Variants in LAMA1 observed in about 807,000 individuals in gnomAD.
LAMA1 encodes laminin subunit alpha 1.
LAMA1 carries 219 observed loss-of-function variants against 348.7 expected under a neutral mutation model. That is an observed-to-expected ratio of 0.63 (90% CI 0.56 to 0.70). LAMA1 has a LOEUF of 0.70. LAMA1 is among the 30% of genes least tolerant of loss of function. The probability of loss-of-function intolerance (pLI) is 0.00; values close to 1 mark genes in which losing one functional copy is unlikely to be tolerated. For synonymous variants in LAMA1, 1,487 were observed against 1,491.0 expected, an observed-to-expected ratio of 1.00 and a Z score of 0.06; for missense variants, 3,744 against 3,888.0, an observed-to-expected ratio of 0.96 and a Z score of 0.99.
At chr18:6,986,678 G>A (rs1018256630) in intron 36 of LAMA1, among the ~76,000 whole-genome samples, 25 of 152,096 alleles carry the variant, frequency 1.6e-4, no homozygotes, top group Admixed American at 4.6e-4. Flanking sequence ...TTACAGGCAC[G>A]GTGATCTTTC....
At chr18:7,004,194 A>C (rs2057821499) in intron 29 of LAMA1, among the ~76,000 whole-genome samples, 1 of 152,156 alleles carries the variant, frequency 6.6e-6, no homozygotes, top group Admixed American at 6.5e-5. Context: ...TGCTATGGGA[A>C]ATTCACAGAG....
At position 7,103,241 on chromosome 18, in the gene LAMA1, T is replaced by C. The variant is rs868493968; in HGVS notation, c.61+14419A>G. ...GACCATCACGGCTAACATGGTGAAC[T>C]AAAAATACAAAAAATTAGCCGGGCA... is the stretch of plus-strand genomic sequence containing the variant. On this transcript the variant is annotated intron_variant, in intron 1 of 62. Transcript: ENST00000389658. Among the ~76,000 whole-genome samples the C allele has an allele frequency of 4.0e-5, 6 of 151,440 alleles. 1 individual carries two copies. In the Middle Eastern group the frequency reaches 0.014, roughly 355 times the overall value.
At chr18:7,025,078 A>G (rs1296349506) in intron 17 of LAMA1, among the ~76,000 whole-genome samples, 1 of 152,028 alleles carries the variant, frequency 6.6e-6, no homozygotes, top group African/African-American at 2.4e-5. Context: ...ATATACTGGG[A>G]ATTCTTTGAG....
At chr18:6,957,183 C>T (rs574641522) in intron 55 of LAMA1, 14 of 300,678 alleles carry the variant, frequency 4.7e-5, no homozygotes, top group African/African-American at 2.0e-4. Context: ...TTGTGGGCTA[C>T]GCTTGTCACA....
At chr18:7,085,585 A>G (rs908958042) in intron 1 of LAMA1, among the ~76,000 whole-genome samples, 3 of 151,550 alleles carry the variant, frequency 2.0e-5, no homozygotes, top group Non-Finnish European at 2.9e-5. Context: ...AGCCCGGCTA[A>G]TTTTTTGTAT....
chr18:6,983,299 A>C, intron 39 of LAMA1, 65 bp from the exon 40 acceptor site: 1 of 1,556,726 alleles, frequency 6.4e-7, no homozygotes. Context: ...TTCACTCACA[A>C]AAATCATAAA....
intron 56 of LAMA1, 131 bp downstream of exon 56, chr18:6,956,505 A>ACAGCTCCAGCTCCAGCTC: frequency 2.7e-6 from 4 of 1,468,548 alleles, no homozygotes; most frequent in Non-Finnish European, 3.8e-6. Flanking sequence ...GATTTTTAGC[A>ACAGCTCCAGCTCCAGCTC]CAGCTCCAGC....
intron 28 of LAMA1, among the ~76,000 whole-genome samples, chr18:7,007,486 A>G (rs1234063632): frequency 6.7e-6 from 1 of 150,374 alleles, no homozygotes; most frequent in African/African-American, 2.5e-5. Context: ...AAAAAAAAAA[A>G]CTAACAAGTA....
intron 14 of LAMA1, among the ~76,000 whole-genome samples, chr18:7,033,451 G>A (rs1286855582): frequency 2.2e-5 from 2 of 89,972 alleles, no homozygotes; most frequent in Admixed American, 2.1e-4. Flanking sequence ...GGGAGACTCT[G>A]TCTCAAAAAA....
At position 7,049,266 on chromosome 18, in the gene LAMA1, G is replaced by T; in HGVS notation, c.589-9C>A. 6.2e-7 allele frequency: 1 copy of T among 1,610,262 alleles called. No homozygotes were observed. The highest frequency in any genetic ancestry group is 8.5e-7 in the Non-Finnish European group (1 of 1,176,484). ...ATGAGTGATGTATGAATCTGAAGAT[G>T]AAGGCATCAAAATAGATGAATGTCA... On this transcript the variant is annotated splice_polypyrimidine_tract_variant and intron_variant, in intron 4 of 62. Coordinates refer to ENST00000389658, the MANE Select transcript of LAMA1 (RefSeq NM_005559.4).
chr18:6,983,824 T>C (rs1600371672), intron 39 of LAMA1, among the ~76,000 whole-genome samples: 2 of 152,354 alleles, frequency 1.3e-5, no homozygotes, highest in Admixed American at 1.3e-4. Context: ...TCCAGTGCTC[T>C]CTGTCTTGAA....
chr18:7,006,945 A>T (rs11081294), intron 29 of LAMA1, among the ~76,000 whole-genome samples, 194 bp downstream of exon 29: 21,447 of 152,230 alleles, frequency 0.14, 1,728 homozygotes, highest in African/African-American at 0.22. Flanking sequence ...AGGAAAATTT[A>T]TAAAAGAATT....
At chr18:7,087,096 C>T (rs1205985369) in intron 1 of LAMA1, among the ~76,000 whole-genome samples, 1 of 151,882 alleles carries the variant, frequency 6.6e-6, no homozygotes, top group Non-Finnish European at 1.5e-5. Context: ...TGAAGTTGAC[C>T]CTTTCATCTA....
chr18:7,020,851 G>A (rs1008375169), intron 19 of LAMA1, among the ~76,000 whole-genome samples: 2 of 152,046 alleles, frequency 1.3e-5, no homozygotes, highest in Admixed American at 6.6e-5. Flanking sequence ...CCTCCTCAAC[G>A]CTGGCAGCAG....
rs763994780 is a variant in LAMA1, at chr18:6,961,571, A to G, written c.7626+15T>C. 1 of 1,612,830 alleles carries G rather than the reference A, an allele frequency of 6.2e-7. No homozygotes were observed. Among genetic ancestry groups the G allele is most frequent in the South Asian group, 1.1e-5 (1 of 90,980 alleles). On this transcript the variant is annotated intron_variant, in intron 53 of 62. Transcript: ENST00000389658. ...TTTCCTGAGCTTGGGGCTCAGGAGC[A>G]CTGGCCCTACTCACCACGTGTGCTT...
Position 6,993,842 on chromosome 18 carries a change from C to T in LAMA1, c.4897-90G>A. 5 of 791,048 alleles carry T rather than the reference C, an allele frequency of 6.3e-6. No homozygotes were observed. In the South Asian group the frequency reaches 6.8e-5, roughly 11 times the overall value. 49.0% of individuals were successfully genotyped at this position (791,048 alleles called of 1,614,324 possible). The stretch of plus-strand genomic sequence containing the variant: ...CGCAAGTTGTAATATTCCACTGTTG[C>T]CGCTTATAAGCAACAACATATATTC... On this transcript the variant is annotated intron_variant, in intron 34 of 62. Coordinates refer to ENST00000389658, the MANE Select transcript of LAMA1 (RefSeq NM_005559.4).
chr18:7,053,016 T>A (rs1476958318), intron 3 of LAMA1, among the ~76,000 whole-genome samples: 1 of 152,070 alleles, frequency 6.6e-6, no homozygotes, highest in African/African-American at 2.4e-5. Context: ...CAAGACTCTG[T>A]CTCAAAAATA....
intron 30 of LAMA1, among the ~76,000 whole-genome samples, chr18:7,000,982 G>A (rs1490710235): frequency 2.6e-5 from 4 of 152,110 alleles, no homozygotes; most frequent in Admixed American, 2.0e-4. Context: ...TTATTAATGC[G>A]GACTTTGGGG....
In LAMA1 at chr18:7,043,414, A is replaced by G. The variant is rs1237029884; in HGVS notation, c.977-9T>C. 1.2e-6 allele frequency: 2 copies of G among 1,610,096 alleles called. No homozygotes were observed. Among genetic ancestry groups the G allele is most frequent in the Non-Finnish European group, 1.7e-6 (2 of 1,178,738 alleles). ...ATTGTGACAATTACATGCTAGGAGA[A>G]TATTTTTAACATCTCAATTAATTTA... On this transcript the variant is annotated splice_polypyrimidine_tract_variant and intron_variant, in intron 7 of 62. Transcript: ENST00000389658.
Sources: allele counts gnomAD v4.1 joint callset (sites outside exome capture counted in the v4.1 genomes callset), GRCh38; gene constraint gnomAD v4.1.1; transcripts MANE v1.5; gene names NCBI Gene and HGNC (gene_info 2026-07-23, HGNC 2026-07-21).